The following ANKH variants were observed in gnomAD, a reference collection of about 807,000 sequenced individuals.
ANKH encodes ANKH inorganic pyrophosphate transport regulator, also known as mineralization regulator ANKH.
Under a neutral mutation model 49.0 loss-of-function variants are expected in ANKH, and 15 were observed. The ratio of observed to expected loss-of-function variants is 0.31; its 90% confidence interval spans 0.20 to 0.47. The LOEUF (loss-of-function observed/expected upper bound fraction) is 0.47. Ranked by LOEUF, ANKH falls within the 20% of genes least tolerant of loss-of-function variation. ANKH has a pLI of 1.00. For synonymous variants in ANKH, 273 were observed against 260.0 expected (o/e 1.05, Z -0.48); for missense variants, 429 against 652.0 (o/e 0.66, Z 3.72).
At chr5:14,811,005 G>C (rs201215060) in intron 1 of ANKH, among the ~76,000 whole-genome samples, 348 of 38,114 alleles carry the variant, frequency 9.1e-3, no homozygotes, top group Admixed American at 0.021. Flanking sequence ...AAGAAGGAAG[G>C]GGGGGAATAA....
chr5:14,718,597 T>A (rs1415704284), intron 8 of ANKH, among the ~76,000 whole-genome samples: 1 of 151,952 alleles, frequency 6.6e-6, no homozygotes, highest in African/African-American at 2.4e-5. Flanking sequence ...GATGACCTGA[T>A]GTCAGGAGTT....
chr5:14,865,661 T>A (rs1735623817), intron 1 of ANKH, among the ~76,000 whole-genome samples: 1 of 152,236 alleles, frequency 6.6e-6, no homozygotes, highest in Non-Finnish European at 1.5e-5. Context: ...CTCTTCCCTG[T>A]TGAAGCCAGT....
chr5:14,769,988 AC>A (rs1739384543), intron 1 of ANKH, among the ~76,000 whole-genome samples: 1 of 152,070 alleles, frequency 6.6e-6, no homozygotes, highest in Non-Finnish European at 1.5e-5. Context: ...TAAATTTCCC[AC>A]CCCGAAGACA....
intron 1 of ANKH, among the ~76,000 whole-genome samples, chr5:14,830,875 G>A (rs779468444): frequency 2.0e-5 from 3 of 152,116 alleles, no homozygotes; most frequent in African/African-American, 2.4e-5. Context: ...CCTGGGACTC[G>A]CCTGGCTTCA....
chr5:14,849,005 T>A (rs1358273473), intron 1 of ANKH, among the ~76,000 whole-genome samples: 3 of 152,192 alleles, frequency 2.0e-5, no homozygotes, highest in Non-Finnish European at 4.4e-5. Context: ...ATTGGTCGGG[T>A]GTGAGCTGAG....
chr5:14,801,413 G>T (rs1411242641), intron 1 of ANKH, among the ~76,000 whole-genome samples: 1 of 152,164 alleles, frequency 6.6e-6, no homozygotes, highest in Admixed American at 6.5e-5. Context: ...GTTACTGAAA[G>T]TATACTCTAA....
chr5:14,836,969 T>C (rs1741674161), intron 1 of ANKH, among the ~76,000 whole-genome samples: 1 of 152,010 alleles, frequency 6.6e-6, no homozygotes, highest in African/African-American at 2.4e-5. Flanking sequence ...ATACCACACA[T>C]CTACAACCAT....
chr5:14,848,103 A>C (rs1349258226), intron 1 of ANKH, among the ~76,000 whole-genome samples: 1 of 152,164 alleles, frequency 6.6e-6, no homozygotes, highest in Non-Finnish European at 1.5e-5. Context: ...CTGTGCCACT[A>C]CACTCCAGCC....
chr5:14,847,825 A>T (rs975658085), intron 1 of ANKH, among the ~76,000 whole-genome samples: 1 of 152,242 alleles, frequency 6.6e-6, no homozygotes, highest in African/African-American at 2.4e-5. Context: ...GGAAAAGATT[A>T]GAATTTTAAA....
chr5:14,763,427 T>A (rs258215), intron 2 of ANKH, among the ~76,000 whole-genome samples: 96,725 of 152,050 alleles, frequency 0.64, 31,161 homozygotes, highest in African/African-American at 0.72. Flanking sequence ...TACTGCACAC[T>A]CTAACACAGC....
rs1735829287 is a variant in ANKH, at chr5:14,871,551, C to G, written c.-104G>C. Reference sequence around the variant, plus strand: ...ACGGGGCGAGCGGGGCGCGGGCCGACAGAGGCCGCGGGCGGCGGGGCCTCG... The same window carrying G: ...ACGGGGCGAGCGGGGCGCGGGCCGAGAGAGGCCGCGGGCGGCGGGGCCTCG... On this transcript the variant is annotated 5_prime_UTR_variant, in exon 1 of 12. Coordinates refer to ENST00000284268, the MANE Select transcript of ANKH (RefSeq NM_054027.6). 3 of 751,442 alleles carry G rather than the reference C, an allele frequency of 4.0e-6. No individual in the cohort carries two copies. Among genetic ancestry groups the G allele is most frequent in the Non-Finnish European group, 5.4e-6 (3 of 557,640 alleles). 46.5% of individuals were successfully genotyped at this position (751,442 alleles called of 1,614,324 possible). A position where few individuals can be genotyped will look rare whatever the true frequency, so the allele number is the denominator to read the frequency against.
At chr5:14,853,739 G>GT in intron 1 of ANKH, among the ~76,000 whole-genome samples, 1 of 152,072 alleles carries the variant, frequency 6.6e-6, no homozygotes, top group Non-Finnish European at 1.5e-5. Context: ...ATAGAAAGGT[G>GT]TATTTTAAGT....
chr5:14,823,609 G>A (rs1019591080), intron 1 of ANKH, among the ~76,000 whole-genome samples: 4 of 152,166 alleles, frequency 2.6e-5, no homozygotes, highest in African/African-American at 9.7e-5. Flanking sequence ...AGCCTCTTAC[G>A]CATGAGAAGT....
chr5:14,791,361 C>G (rs549063740), intron 1 of ANKH, among the ~76,000 whole-genome samples: 1 of 152,272 alleles, frequency 6.6e-6, no homozygotes, highest in Admixed American at 6.5e-5. Flanking sequence ...AAATGAAGAA[C>G]TGTGGTAGTT....
At chr5:14,791,684 C>A (rs1383615503) in intron 1 of ANKH, among the ~76,000 whole-genome samples, 1 of 152,046 alleles carries the variant, frequency 6.6e-6, no homozygotes, top group African/African-American at 2.4e-5. Context: ...AGGAAAGCAC[C>A]CAGTGTGTGC....
At chr5:14,794,566 A>C (rs1740312218) in intron 1 of ANKH, among the ~76,000 whole-genome samples, 1 of 152,256 alleles carries the variant, frequency 6.6e-6, no homozygotes, top group South Asian at 2.1e-4. Context: ...TCTTAAGATA[A>C]ATGTCCCCAG....
intron 1 of ANKH, among the ~76,000 whole-genome samples, chr5:14,810,917 G>A (rs1740861680): frequency 6.6e-6 from 1 of 152,130 alleles, no homozygotes; most frequent in African/African-American, 2.4e-5. Flanking sequence ...TAAAATTCCA[G>A]ATTCAATGCT....
intron 1 of ANKH, among the ~76,000 whole-genome samples, chr5:14,792,991 A>AATATATATATATAAAAAAAT: frequency 1.2e-5 from 1 of 85,478 alleles, no homozygotes; most frequent in South Asian, 4.3e-4. Context: ...TATATATAAA[A>AATATATATATATAAAAAAAT]ATATATATAT....
At chr5:14,793,039 TATATATATAA>T (rs1320524476) in intron 1 of ANKH, among the ~76,000 whole-genome samples, 4 of 52,616 alleles carry the variant, frequency 7.6e-5, no homozygotes, top group African/African-American at 2.3e-4. Flanking sequence ...TATATAAAAA[TATATATATAA>T]ATATATATAA....
Sources: allele counts gnomAD v4.1 joint callset (sites outside exome capture counted in the v4.1 genomes callset), GRCh38; gene constraint gnomAD v4.1.1; transcripts MANE v1.5; gene names NCBI Gene and HGNC (gene_info 2026-07-23, HGNC 2026-07-21).